The following IGF1R variants were observed in gnomAD, a reference collection of about 807,000 sequenced individuals.
The protein encoded by IGF1R is insulin like growth factor 1 receptor, also known as insulin-like growth factor 1 receptor.
Under a neutral mutation model 144.6 loss-of-function variants are expected in IGF1R, and 44 were observed. The ratio of observed to expected loss-of-function variants is 0.30; its 90% confidence interval spans 0.24 to 0.39. The LOEUF is 0.39. Ranked by LOEUF, IGF1R falls within the 10% of genes least tolerant of loss-of-function variation. The pLI is 1.00. For missense variants in IGF1R, 1,355 were observed against 1,833.7 expected (o/e 0.74, Z 4.77); for synonymous variants, 795 against 722.8 (o/e 1.10, Z -1.60).
In IGF1R at chr15:98,961,560, C is replaced by G. The variant is rs1402419607; in HGVS notation, c.*4118C>G. 1 of 233,602 alleles carries G rather than the reference C, an allele frequency of 4.3e-6. No homozygotes were observed. Among genetic ancestry groups the G allele is most frequent in the East Asian group, 6.0e-5 (1 of 16,602 alleles). The allele number at this position is 233,602 out of a possible 1,614,324, so 14.5% of individuals were successfully genotyped here. On this transcript the variant is annotated 3_prime_UTR_variant, in exon 21 of 21. Transcript: ENST00000650285. ...TTTTTCTCTGTGTGTTCCAAATAAT[C>G]TTAAGCTGAGTTGTGGCATTTTCCA...
intron 2 of IGF1R, among the ~76,000 whole-genome samples, chr15:98,752,693 A>G (rs2055042454): frequency 6.6e-6 from 1 of 151,804 alleles, no homozygotes; most frequent in African/African-American, 2.4e-5. Context: ...CAAAGAAAAA[A>G]AAAAAGAAAG....
chr15:98,862,332 G>A (rs142453335), intron 2 of IGF1R, among the ~76,000 whole-genome samples: 76 of 152,296 alleles, frequency 5.0e-4, no homozygotes, highest in African/African-American at 1.5e-3. Context: ...ATTTTCTGTC[G>A]TGCATTTTGT....
intron 2 of IGF1R, among the ~76,000 whole-genome samples, chr15:98,787,738 G>A (rs1002027228): frequency 2.0e-5 from 3 of 152,152 alleles, no homozygotes; most frequent in South Asian, 4.1e-4. Context: ...TTCTATTACC[G>A]CAATTACTTT....
In IGF1R at chr15:98,891,594, A is replaced by C; in HGVS notation, c.910A>C (p.Met304Leu). 6.2e-7 allele frequency: 1 copy of C among 1,604,114 alleles called. No homozygotes were observed. ...GTTTGTGATCCACGACGGCGAGTGC[A>C]TGCAGGAGTGCCCCTCGGGCTTCAT... Reference protein sequence around the residue: ...EGFVIHDGECMQECPSGFIRN... With the variant: ...EGFVIHDGECLQECPSGFIRN... Residue 304 changes from methionine to leucine, a missense_variant, in exon 3 of 21, where the codon ATG becomes CTG. Around this residue, in one of 7 missense-constraint regions of IGF1R, gnomAD observed 880 missense variants for 1,202.7 expected, o/e 0.73. Transcript: ENST00000650285. The surrounding 1 kb of genome is among the most constrained non-coding windows in gnomAD (Gnocchi z 4.7).
At chr15:98,666,548 A>T (rs908539682) in intron 1 of IGF1R, among the ~76,000 whole-genome samples, 9 of 152,234 alleles carry the variant, frequency 5.9e-5, no homozygotes, top group Non-Finnish European at 1.3e-4. Context: ...AATATCATTG[A>T]GCCTTAAAAA....
At chr15:98,899,959 C>G (rs1232043311) in intron 5 of IGF1R, among the ~76,000 whole-genome samples, 1 of 152,158 alleles carries the variant, frequency 6.6e-6, no homozygotes, top group Non-Finnish European at 1.5e-5. Flanking sequence ...GGAGTGCTCA[C>G]CTCCCTGTGA....
intron 1 of IGF1R, 107 bp downstream of exon 1, chr15:98,649,782 G>A (rs1175686278): frequency 2.4e-6 from 2 of 832,788 alleles, no homozygotes; most frequent in Non-Finnish European, 3.9e-6. Context: ...TCGGGCCCCC[G>A]GGCTCGGGAG....
At chr15:98,822,709 G>T (rs1286251178) in intron 2 of IGF1R, among the ~76,000 whole-genome samples, 1 of 152,180 alleles carries the variant, frequency 6.6e-6, no homozygotes, top group Non-Finnish European at 1.5e-5. Flanking sequence ...CCTGGTAACT[G>T]ACTGTATGGA....
intron 2 of IGF1R, among the ~76,000 whole-genome samples, chr15:98,871,193 CA>C (rs2012767735): frequency 1.3e-5 from 2 of 152,262 alleles, no homozygotes; most frequent in Non-Finnish European, 2.9e-5. Context: ...CTCAAGCAAG[CA>C]TCCAAGTTGT....
Position 98,736,610 on chromosome 15 carries a change from C to CTT in IGF1R, c.640+28508_640+28509dup, listed in dbSNP as rs1321651793. Among the ~76,000 whole-genome samples the CTT allele has an allele frequency of 1.4e-4, 19 of 138,970 alleles. 1 individual carries two copies. The highest frequency in any genetic ancestry group is 2.3e-4 in the South Asian group (1 of 4,392). 91.2% of individuals were successfully genotyped at this position (138,970 alleles called of 152,430 possible). A position where few individuals can be genotyped will look rare whatever the true frequency, so the allele number is the denominator to read the frequency against. On this transcript the variant is annotated intron_variant, in intron 2 of 20. Coordinates refer to ENST00000650285, the MANE Select transcript of IGF1R (RefSeq NM_000875.5). The stretch of plus-strand genomic sequence containing the variant: ...AATTAGTGGGAATATTTTCTTTTTT[C>CTT]TTTTTTCTTTTTTTTTTTTGAGACA...
intron 2 of IGF1R, among the ~76,000 whole-genome samples, chr15:98,859,164 A>G (rs2141579420): frequency 6.6e-6 from 1 of 152,306 alleles, no homozygotes; most frequent in South Asian, 2.1e-4. Flanking sequence ...TGCAGTTACA[A>G]AGCCCATGTA....
At chr15:98,700,683 C>T (rs1307572767) in intron 1 of IGF1R, among the ~76,000 whole-genome samples, 1 of 152,116 alleles carries the variant, frequency 6.6e-6, no homozygotes, top group Non-Finnish European at 1.5e-5. Context: ...TTCTCCCCGC[C>T]ACACGGGCTG....
intron 2 of IGF1R, among the ~76,000 whole-genome samples, chr15:98,863,232 G>T (rs377156656): frequency 2.0e-5 from 3 of 152,292 alleles, no homozygotes; most frequent in African/African-American, 7.2e-5. Flanking sequence ...AGATCACAGA[G>T]GTGCTGCTGT....
intron 2 of IGF1R, among the ~76,000 whole-genome samples, chr15:98,770,411 G>A (rs2055555650): frequency 6.6e-6 from 1 of 152,122 alleles, no homozygotes; most frequent in African/African-American, 2.4e-5. Flanking sequence ...TTCTAATAGG[G>A]TGACTATCGT....
At chr15:98,740,315 A>AG (rs2054708815) in intron 2 of IGF1R, among the ~76,000 whole-genome samples, 1 of 152,218 alleles carries the variant, frequency 6.6e-6, no homozygotes, top group African/African-American at 2.4e-5. Flanking sequence ...TTTTTCCCTT[A>AG]GAGAATATCA....
intron 2 of IGF1R, among the ~76,000 whole-genome samples, chr15:98,718,772 A>G (rs1195914026): frequency 1.3e-5 from 2 of 152,210 alleles, no homozygotes; most frequent in African/African-American, 4.8e-5. Flanking sequence ...AAGAGCCTAC[A>G]GTACAAAAAA....
At chr15:98,683,639 C>T (rs1199584460) in intron 1 of IGF1R, among the ~76,000 whole-genome samples, 2 of 152,172 alleles carry the variant, frequency 1.3e-5, no homozygotes, top group East Asian at 1.9e-4. Flanking sequence ...GCAATCAAGT[C>T]GGTATCCTCT....
intron 2 of IGF1R, among the ~76,000 whole-genome samples, chr15:98,765,733 A>G (rs960330326): frequency 8.5e-5 from 13 of 152,176 alleles, no homozygotes; most frequent in African/African-American, 3.1e-4. Flanking sequence ...CTTATGTTTC[A>G]TTTAGAATGG....
chr15:98,654,916 G>A (rs2052449914), intron 1 of IGF1R, among the ~76,000 whole-genome samples: 2 of 152,192 alleles, frequency 1.3e-5, no homozygotes, highest in African/African-American at 4.8e-5. Flanking sequence ...TTTGGCATCA[G>A]CTTAGCAAGA....
Sources: gnomAD v4.1 joint callset for allele counts (sites outside exome capture counted in the v4.1 genomes callset) on GRCh38, gnomAD v4.1.1 for gene constraint, gnomAD v4.1.1 regional missense constraint, Gnocchi (gnomAD v3.1) non-coding constraint, MANE v1.5 for transcripts, NCBI Gene and HGNC (gene_info 2026-07-23, HGNC 2026-07-21) for gene names.